The following GRAMD1B variants were observed in gnomAD, a reference collection of about 807,000 sequenced individuals.
The protein encoded by GRAMD1B is GRAM domain containing 1B, also known as protein Aster-B.
In GRAMD1B, 37 loss-of-function variants were observed where a neutral mutation model predicts 99.7. The ratio of observed to expected loss-of-function variants is 0.37; its 90% CI spans 0.29 to 0.49. The LOEUF (loss-of-function observed/expected upper bound fraction) is 0.49, where lower values mean the gene tolerates loss of function less well. GRAMD1B is among the 20% of genes least tolerant of loss of function. The pLI is 0.98. For synonymous variants in GRAMD1B, 427 were observed against 387.6 expected (o/e 1.10, Z -1.19); for missense variants, 888 against 1,009.2 (o/e 0.88, Z 1.63).
intron 6 of GRAMD1B, 50 bp from the exon 7 acceptor site, chr11:123,595,892 C>T (rs1348572886): frequency 9.7e-7 from 1 of 1,029,142 alleles, no homozygotes; most frequent in East Asian, 2.5e-5. Context: ...ACCTGACTTA[C>T]TAATGCCCCA....
chr11:123,613,515 A>C lies in GRAMD1B; in HGVS notation c.2084A>C (p.Lys695Thr), dbSNP rs1434749828. 6.2e-7 allele frequency: 1 copy of C among 1,613,424 alleles called. No homozygotes were observed. The highest frequency in any genetic ancestry group is 1.3e-5 in the African/African-American group (1 of 74,908). ...YLAEMHRQSP[K>T]EKASKTTTVR... ...GCTGAGATGCACAGACAATCTCCCA[A>C]AGAGAAGGCCAGCAAGACTACAACG... Residue 695 changes from lysine to threonine, a missense_variant, in exon 16 of 20, where the codon AAA becomes ACA. Lys to Thr is a moderately conservative substitution (Grantham distance 78). Coordinates refer to ENST00000635736, the MANE Select transcript of GRAMD1B (RefSeq NM_001387025.1).
intron 9 of GRAMD1B, among the ~76,000 whole-genome samples, chr11:123,604,735 G>A (rs1458998729): frequency 2.0e-5 from 3 of 152,178 alleles, no homozygotes; most frequent in Non-Finnish European, 4.4e-5. Context: ...GTCAGATGAT[G>A]GTGATGATGA....
chr11:123,592,798 G>A lies in GRAMD1B; in HGVS notation c.685-1284G>A, dbSNP rs143502987. Among the ~76,000 whole-genome samples the A allele has an allele frequency of 4.1e-3, 628 of 152,312 alleles. 4 individuals carry two copies. Among genetic ancestry groups the A allele is most frequent in the South Asian group, 0.014 (68 of 4,828 alleles). ...AGGTAGTCAGTGCATCACAGGTGGA[G>A]TGTGGGTGTCTCCGTTTGGCCGTGC... On this transcript the variant is annotated intron_variant, in intron 4 of 19. Coordinates refer to ENST00000635736, the MANE Select transcript of GRAMD1B (RefSeq NM_001387025.1).
At chr11:123,568,070 C>A (rs912273353) in intron 2 of GRAMD1B, among the ~76,000 whole-genome samples, 6 of 152,146 alleles carry the variant, frequency 3.9e-5, no homozygotes, top group Middle Eastern at 3.4e-3. Context: ...TTTGGATGGG[C>A]TGTCCCATCT....
At chr11:123,385,176 A>G (rs956286596) in intron 1 of GRAMD1B, among the ~76,000 whole-genome samples, 3 of 152,154 alleles carry the variant, frequency 2.0e-5, no homozygotes, top group Non-Finnish European at 4.4e-5. Flanking sequence ...ATTGTGGGAG[A>G]GAAACCTAAG....
intron 1 of GRAMD1B, among the ~76,000 whole-genome samples, chr11:123,378,135 G>T (rs758854636): frequency 1.3e-5 from 2 of 152,212 alleles, no homozygotes; most frequent in Non-Finnish European, 2.9e-5. Context: ...GGAGGTAGTC[G>T]AAGGTGCTAT....
At chr11:123,375,371 C>A (rs1173299496) in intron 1 of GRAMD1B, among the ~76,000 whole-genome samples, 1 of 151,832 alleles carries the variant, frequency 6.6e-6, no homozygotes, top group East Asian at 1.9e-4. Context: ...CCAGCCTGGG[C>A]AACATAGCAA....
chr11:123,372,863 G>T (rs1480571195), intron 1 of GRAMD1B, among the ~76,000 whole-genome samples: 1 of 152,126 alleles, frequency 6.6e-6, no homozygotes, highest in Non-Finnish European at 1.5e-5. Context: ...TCTCTGGCTG[G>T]GTGCAGTGGC....
intron 2 of GRAMD1B, chr11:123,560,782 G>T (rs1946679764): frequency 1.8e-5 from 8 of 447,260 alleles, no homozygotes; most frequent in South Asian, 1.3e-4. Flanking sequence ...GCTCTGTCCT[G>T]GGGTCAGAAT....
intron 1 of GRAMD1B, among the ~76,000 whole-genome samples, chr11:123,424,469 T>C (rs1406404505): frequency 2.0e-5 from 3 of 152,054 alleles, no homozygotes; most frequent in Non-Finnish European, 4.4e-5. Flanking sequence ...CTGTCTCTAA[T>C]TAAAAACAAA....
chr11:123,511,539 C>A (rs4936813), intron 2 of GRAMD1B, among the ~76,000 whole-genome samples: 12,763 of 152,066 alleles, frequency 0.084, 747 homozygotes, highest in African/African-American at 0.16. Context: ...TAGATGGGGG[C>A]ATCTAAGGAG....
chr11:123,530,333 T>C (rs1227735249), intron 2 of GRAMD1B, among the ~76,000 whole-genome samples: 2 of 152,196 alleles, frequency 1.3e-5, no homozygotes, highest in Non-Finnish European at 2.9e-5. Flanking sequence ...GTTCATTCTT[T>C]AGCTGTTGCC....
At chr11:123,449,813 C>G (rs999411398) in intron 1 of GRAMD1B, among the ~76,000 whole-genome samples, 1 of 151,356 alleles carries the variant, frequency 6.6e-6, no homozygotes, top group African/African-American at 2.4e-5. Context: ...CTCAACTTCC[C>G]AAGCTCAAGT....
intron 2 of GRAMD1B, among the ~76,000 whole-genome samples, chr11:123,572,676 A>G (rs1948241089): frequency 1.3e-5 from 2 of 149,836 alleles, no homozygotes; most frequent in South Asian, 2.1e-4. Flanking sequence ...AATTGGAGGG[A>G]GAGAGAGAGA....
At chr11:123,406,717 A>G (rs1286355043) in intron 1 of GRAMD1B, among the ~76,000 whole-genome samples, 1 of 152,204 alleles carries the variant, frequency 6.6e-6, no homozygotes, top group Non-Finnish European at 1.5e-5. Context: ...TCCAGCCCTC[A>G]CATTTTATAT....
chr11:123,614,824 T>C lies in GRAMD1B; in HGVS notation c.2307T>C (p.Val769=), dbSNP rs371298799. ...HLQSVSKLLL[V]ISCVLVLLVI... ...AGAGCGTGTCCAAGCTGCTGCTGGT[T>C]ATCAGCTGTGTGTAAGGGATTCTAG... Residue 769 remains valine (V), a synonymous_variant, in exon 17 of 20, where the codon GTT becomes GTC. Transcript: ENST00000635736. 2 of 1,602,042 alleles carry C rather than the reference T, an allele frequency of 1.2e-6. No homozygotes were observed. The highest frequency in any genetic ancestry group is 1.7e-6 in the Non-Finnish European group (2 of 1,169,550).
At chr11:123,597,588 C>A (rs550622332) in intron 7 of GRAMD1B, among the ~76,000 whole-genome samples, 45 of 151,992 alleles carry the variant, frequency 3.0e-4, no homozygotes, top group African/African-American at 1.1e-3. Context: ...GAGCTCAGGT[C>A]AGATTTACCT....
At chr11:123,554,421 G>T (rs1945938083) in intron 2 of GRAMD1B, among the ~76,000 whole-genome samples, 1 of 150,902 alleles carries the variant, frequency 6.6e-6, no homozygotes, top group South Asian at 2.1e-4. Context: ...GGGTGCAGTG[G>T]CTCATGCATA....
At chr11:123,478,058 C>G (rs1262833307) in intron 1 of GRAMD1B, among the ~76,000 whole-genome samples, 1 of 152,214 alleles carries the variant, frequency 6.6e-6, no homozygotes, top group Non-Finnish European at 1.5e-5. Flanking sequence ...TCCCAAAGTT[C>G]TGGGATTACA....
Sources: gnomAD v4.1 joint callset for allele counts (sites outside exome capture counted in the v4.1 genomes callset) on GRCh38, gnomAD v4.1.1 for gene constraint, MANE v1.5 for transcripts, NCBI Gene and HGNC (gene_info 2026-07-23, HGNC 2026-07-21) for gene names.